ADAMTSL1: variants seen among roughly 807,000 people sequenced by gnomAD.
The protein encoded by ADAMTSL1 is ADAMTS-like protein 1.
ADAMTSL1 carries 126 observed loss-of-function variants against 201.8 expected under a neutral mutation model. That is an observed-to-expected ratio of 0.62 (90% CI 0.54 to 0.72). The LOEUF (loss-of-function observed/expected upper bound fraction) is 0.72, where lower values mean the gene tolerates loss of function less well. Among genes scored for constraint, ADAMTSL1 ranks in the 30% least tolerant of loss-of-function variants. The pLI is 0.00. For synonymous variants in ADAMTSL1, 1,121 were observed against 903.4 expected (o/e 1.24, Z -4.32); for missense variants, 2,679 against 2,277.8 (o/e 1.18, Z -3.59).
intron 4 of ADAMTSL1, among the ~76,000 whole-genome samples, chr9:18,614,724 C>T (rs11787618): frequency 0.06 from 9,172 of 152,116 alleles, 366 homozygotes; most frequent in Non-Finnish European, 0.093. Flanking sequence ...TATATGTATT[C>T]GTAATAGCAC....
chr9:18,440,003 C>T (rs1411497207), intron 2 of ADAMTSL1, among the ~76,000 whole-genome samples: 1 of 152,160 alleles, frequency 6.6e-6, no homozygotes, highest in Admixed American at 6.5e-5. Flanking sequence ...AATTTGTACT[C>T]AATTTTAAAT....
rs116728498 is a variant in ADAMTSL1, at chr9:18,017,520, T to C, written c.87+110598T>C. Among the ~76,000 whole-genome samples, 1,212 of 152,112 alleles carry C rather than the reference T, an allele frequency of 8.0e-3. 14 individuals carry two copies. Among genetic ancestry groups the C allele is most frequent in the African/African-American group, 0.028 (1,167 of 41,540 alleles). ...AGAGTTCAATTTCCCCCTCTACTCATGGAGTCCTATCTGTGGCACCTCTCT... is the reference window on the plus strand; with the variant it reads ...AGAGTTCAATTTCCCCCTCTACTCACGGAGTCCTATCTGTGGCACCTCTCT... On this transcript the variant is annotated intron_variant, in intron 1 of 29. Coordinates refer to the ADAMTSL1 transcript ENST00000680146.
At chr9:18,063,062 C>G (rs1822532033) in intron 1 of ADAMTSL1, among the ~76,000 whole-genome samples, 1 of 152,158 alleles carries the variant, frequency 6.6e-6, no homozygotes, top group African/African-American at 2.4e-5. Context: ...GGTGTGGTAG[C>G]TCATGTCTGT....
intron 1 of ADAMTSL1, among the ~76,000 whole-genome samples, chr9:18,002,278 A>G (rs1189490001): frequency 6.6e-6 from 1 of 152,046 alleles, no homozygotes; most frequent in Non-Finnish European, 1.5e-5. Context: ...TCACAGAAAT[A>G]GAAGACTAAA....
chr9:18,014,944 A>C (rs73643492), intron 1 of ADAMTSL1, among the ~76,000 whole-genome samples: 6,694 of 152,154 alleles, frequency 0.044, 434 homozygotes, highest in African/African-American at 0.14. Flanking sequence ...CATCAAGAAA[A>C]GCCGTGTTAA....
chr9:18,386,559 T>A (rs1314069797), intron 2 of ADAMTSL1, among the ~76,000 whole-genome samples: 1 of 152,230 alleles, frequency 6.6e-6, no homozygotes, highest in East Asian at 1.9e-4. Flanking sequence ...TTTTCCCTTT[T>A]GATTTTTCTA....
Position 18,606,682 on chromosome 9 carries a change from G to C in ADAMTSL1, c.475-15561G>C, listed in dbSNP as rs75744948. Among the ~76,000 whole-genome samples, 250 of 152,254 alleles carry C rather than the reference G, an allele frequency of 1.6e-3. 1 individual carries two copies. The highest frequency in any genetic ancestry group is 5.6e-3 in the African/African-American group (233 of 41,568). On this transcript the variant is annotated intron_variant, in intron 4 of 28. Transcript: ENST00000380548. Reference sequence around the variant, plus strand: ...TGTCACCTGTTCAGTTGCAGAGTTTGTTTTACAGGCTTCACGAACTCTGTA... The same window carrying C: ...TGTCACCTGTTCAGTTGCAGAGTTTCTTTTACAGGCTTCACGAACTCTGTA...
chr9:18,628,576 A>G (rs780678959), intron 5 of ADAMTSL1, among the ~76,000 whole-genome samples: 5 of 152,134 alleles, frequency 3.3e-5, no homozygotes, highest in Non-Finnish European at 7.3e-5. Context: ...TTGTCTTTCC[A>G]TATAAATTTT....
chr9:18,295,344 ATT>A (rs11402322), intron 2 of ADAMTSL1, among the ~76,000 whole-genome samples: 5 of 144,326 alleles, frequency 3.5e-5, no homozygotes, highest in Non-Finnish European at 3.1e-5. Flanking sequence ...ACCGTTATTC[ATT>A]TTTTTTTTTT....
In ADAMTSL1 at chr9:18,785,567, C is replaced by T. The variant is rs1159984539; in HGVS notation, c.3677+7661C>T. On this transcript the variant is annotated intron_variant, in intron 19 of 28. Coordinates refer to ENST00000380548, the MANE Select transcript of ADAMTSL1 (RefSeq NM_001040272.6). ...CATGTGTGGTTAGAGACCTAGACCA[C>T]AGGCAATATGAAGCTAAACTGTTCC... Among the ~76,000 whole-genome samples the T allele has an allele frequency of 3.3e-5, 5 of 152,196 alleles. No homozygotes were observed. In the East Asian group the frequency reaches 9.6e-4, roughly 29 times the overall value.
chr9:18,589,935 G>A (rs1265648939), intron 4 of ADAMTSL1, among the ~76,000 whole-genome samples: 2 of 152,090 alleles, frequency 1.3e-5, no homozygotes, highest in East Asian at 3.8e-4. Context: ...ATGGTGAATG[G>A]TCTTTTTAAT....
Position 18,753,476 on chromosome 9 carries a change from C to A in ADAMTSL1, c.2185C>A (p.Pro729Thr), listed in dbSNP as rs1229105252. The change falls in exon 16 of 29, where the codon CCC becomes ACC. Residue 729 changes from proline to threonine, a missense_variant. Transcript: ENST00000380548. ...TVQACNRFNC[P>T]PAWYPAQWQP... ...GCAAGCTTGTAACCGCTTTAATTGC[C>A]CCCCAGCCTGGTACCCTGCACAGTG... 2 of 1,613,014 alleles carry A rather than the reference C, an allele frequency of 1.2e-6. No individual in the cohort carries two copies. The highest frequency in any genetic ancestry group is 2.2e-5 in the South Asian group (2 of 90,806).
At chr9:17,999,583 C>T (rs866101128) in intron 1 of ADAMTSL1, among the ~76,000 whole-genome samples, 4 of 150,808 alleles carry the variant, frequency 2.7e-5, no homozygotes, top group Middle Eastern at 3.4e-3. Context: ...TTAGTGTGCC[C>T]CCCAGAAAAT....
At chr9:18,266,089 A>G (rs1162934548) in intron 2 of ADAMTSL1, among the ~76,000 whole-genome samples, 1 of 152,252 alleles carries the variant, frequency 6.6e-6, no homozygotes, top group African/African-American at 2.4e-5. Flanking sequence ...GGCTTATAGC[A>G]TTATCATTAT....
At chr9:18,160,152 C>A (rs1202123357) in intron 1 of ADAMTSL1, among the ~76,000 whole-genome samples, 1 of 152,000 alleles carries the variant, frequency 6.6e-6, no homozygotes. Context: ...CGGGTTGGTT[C>A]TCTAAGGAAT....
chr9:18,083,181 C>A (rs1437287798), intron 1 of ADAMTSL1, among the ~76,000 whole-genome samples: 1 of 152,060 alleles, frequency 6.6e-6, no homozygotes, highest in Non-Finnish European at 1.5e-5. Context: ...CTATTGAAGG[C>A]AATATTTGAG....
intron 2 of ADAMTSL1, among the ~76,000 whole-genome samples, chr9:18,189,793 G>T (rs765412396): frequency 6.6e-6 from 1 of 152,016 alleles, no homozygotes; most frequent in East Asian, 1.9e-4. Flanking sequence ...AACTCCTCAA[G>T]TTTCTTTCTT....
chr9:18,427,268 A>G (rs1819266134), intron 2 of ADAMTSL1, among the ~76,000 whole-genome samples: 1 of 152,218 alleles, frequency 6.6e-6, no homozygotes, highest in Non-Finnish European at 1.5e-5. Flanking sequence ...ATTTGTACTA[A>G]TCGACTTGCT....
chr9:18,241,751 C>T (rs1482001631), intron 2 of ADAMTSL1, among the ~76,000 whole-genome samples: 1 of 151,640 alleles, frequency 6.6e-6, no homozygotes, highest in African/African-American at 2.4e-5. Context: ...AGTTATATAC[C>T]AAAAAATGGG....
Sources: allele counts gnomAD v4.1 joint callset (sites outside exome capture counted in the v4.1 genomes callset), GRCh38; gene constraint gnomAD v4.1.1; transcripts MANE v1.5; gene names NCBI Gene and HGNC (gene_info 2026-07-23, HGNC 2026-07-21).